OCM: variants seen among roughly 807,000 people sequenced by gnomAD.
OCM encodes oncomodulin-1.
In OCM, 18 loss-of-function variants were observed where a neutral mutation model predicts 14.1. The observed-to-expected ratio is 1.28, with a 90% confidence interval of 0.88 to 1.89. The LOEUF is 1.89. OCM is among the 40% of genes most tolerant of loss of function. OCM has a pLI of 0.00. For synonymous variants in OCM, 48 were observed against 51.0 expected (o/e 0.94, Z 0.25); for missense variants, 140 against 137.6 (o/e 1.02, Z -0.09).
the OCM span, among the ~76,000 whole-genome samples, chr7:5,862,718 G>A: frequency 0.037 from 5,608 of 150,958 alleles, 130 homozygotes; most frequent in Non-Finnish European, 0.053. Flanking sequence ...ACTGGGCTTA[G>A]GATGAATGCA....
chr7:5,863,866 G>C, the OCM span, among the ~76,000 whole-genome samples: 7 of 152,076 alleles, frequency 4.6e-5, no homozygotes, highest in Admixed American at 2.0e-4. Flanking sequence ...CAGGAAGGCA[G>C]AGTGAGTGGA....
At chr7:5,870,250 A>T in the OCM span, among the ~76,000 whole-genome samples, 1 of 152,000 alleles carries the variant, frequency 6.6e-6, no homozygotes, top group Non-Finnish European at 1.5e-5. Context: ...AGCTGGGACC[A>T]CAGGCTCGTA....
upstream of OCM, among the ~76,000 whole-genome samples, chr7:5,877,805 GCA>G (rs1781124616): frequency 9.9e-6 from 1 of 101,476 alleles, no homozygotes; most frequent in Admixed American, 1.4e-4. Context: ...GGGTGACAGA[GCA>G]AGACTCCATC....
chr7:5,865,155 G>T, the OCM span, among the ~76,000 whole-genome samples: 1 of 151,986 alleles, frequency 6.6e-6, no homozygotes, highest in African/African-American at 2.4e-5. Flanking sequence ...ACTGCTTCAG[G>T]TGTTTCCTGG....
At chr7:5,860,567 G>A in the OCM span, among the ~76,000 whole-genome samples, 1 of 60,616 alleles carries the variant, frequency 1.6e-5, no homozygotes, top group East Asian at 8.2e-4. Flanking sequence ...ATATATACGT[G>A]TGTATATATA....
chr7:5,875,286 A>G (rs889994777), upstream of OCM, among the ~76,000 whole-genome samples: 1 of 151,744 alleles, frequency 6.6e-6, no homozygotes, highest in African/African-American at 2.4e-5. Flanking sequence ...CGAACTCCGG[A>G]CCTCAGGTGA....
upstream of OCM, among the ~76,000 whole-genome samples, chr7:5,880,193 T>C (rs1387088290): frequency 1.3e-5 from 2 of 152,202 alleles, no homozygotes; most frequent in South Asian, 4.1e-4. Flanking sequence ...CACGTGGAAT[T>C]TGCAACATTG....
the OCM span, among the ~76,000 whole-genome samples, chr7:5,867,801 G>A: frequency 6.6e-6 from 1 of 152,090 alleles, no homozygotes; most frequent in African/African-American, 2.4e-5. Context: ...TTGCTATGTT[G>A]CCCAGGCTGG....
upstream of OCM, among the ~76,000 whole-genome samples, chr7:5,877,120 C>G (rs1480545817): frequency 5.3e-5 from 8 of 151,984 alleles, no homozygotes; most frequent in Non-Finnish European, 5.9e-5. Context: ...CTGTCTACTT[C>G]TAAGCCACTG....
At chr7:5,878,875 TA>T (rs57901741), upstream of OCM, among the ~76,000 whole-genome samples, 22,888 of 101,730 alleles carry the variant, frequency 0.22, 2,030 homozygotes, top group East Asian at 0.29. Context: ...TGCTGAAAGT[TA>T]AAAAAAAAAA....
rs202210298 is a variant in OCM, at chr7:5,882,541, C to T, written c.110C>T (p.Ser37Phe). The T allele has an allele frequency of 1.2e-6, 2 of 1,614,144 alleles. No individual in the cohort carries two copies. Among genetic ancestry groups the T allele is most frequent in the African/African-American group, 1.3e-5 (1 of 75,018 alleles). Residue 37 changes from serine to phenylalanine, a missense_variant, in exon 2 of 4, where the codon TCC (serine) becomes TTC (phenylalanine). Physicochemically the swap from Ser to Phe is radical, Grantham distance 155. Transcript: ENST00000242104. ...PQKFFQTSGL[S>F]KMSANQVKDV... ...AAATTCTTCCAGACATCAGGCCTCTCCAAGATGTCAGCCAATCAGGTGAAG... is the reference window on the plus strand; with the variant it reads ...AAATTCTTCCAGACATCAGGCCTCTTCAAGATGTCAGCCAATCAGGTGAAG...
chr7:5,877,547 G>A (rs1316032074), upstream of OCM, among the ~76,000 whole-genome samples: 2 of 151,094 alleles, frequency 1.3e-5, no homozygotes, highest in African/African-American at 4.9e-5. Context: ...GGCCAGGCCC[G>A]GCTGCTCACA....
chr7:5,862,607 C>T, the OCM span, among the ~76,000 whole-genome samples: 50 of 152,078 alleles, frequency 3.3e-4, no homozygotes, highest in Non-Finnish European at 6.9e-4. Context: ...TTCATGTTTA[C>T]TTTATGTTAT....
At chr7:5,883,804 T>C in intron 2 of OCM, 86 bp from the exon 3 acceptor site, 1 of 1,509,126 alleles carries the variant, frequency 6.6e-7, no homozygotes, top group Non-Finnish European at 9.1e-7. Flanking sequence ...TGGAAACAGG[T>C]GATATGCTTA....
chr7:5,881,098 C>T lies in OCM; in HGVS notation c.61+148C>T, dbSNP rs951087198. 4.2e-6 allele frequency: 3 copies of T among 721,004 alleles called. No homozygotes were observed. In the East Asian group the frequency reaches 8.2e-5, roughly 20 times the overall value. 44.7% of individuals were successfully genotyped at this position (721,004 alleles called of 1,614,324 possible). A position where few individuals can be genotyped will look rare whatever the true frequency, so the allele number is the denominator to read the frequency against. The stretch of plus-strand genomic sequence containing the variant: ...CTTTGGGAGGCCGAGGCGGGTGGAT[C>T]ACGAGGTCAGGAGTTCGAGACCAGC... On this transcript the variant is annotated intron_variant, in intron 1 of 3. Coordinates refer to ENST00000242104, the MANE Select transcript of OCM (RefSeq NM_001097622.2).
Position 5,885,008 on chromosome 7 carries a change from T to G in OCM, c.304+1009T>G, listed in dbSNP as rs187383230. Among the ~76,000 whole-genome samples the G allele has an allele frequency of 2.4e-3, 368 of 151,920 alleles. 5 individuals carry two copies. Among genetic ancestry groups the G allele is most frequent in the African/African-American group, 8.5e-3 (351 of 41,436 alleles). On this transcript the variant is annotated intron_variant, in intron 3 of 3. Coordinates refer to ENST00000242104, the MANE Select transcript of OCM (RefSeq NM_001097622.2). ...GGTGGTGGGCACCTGTAATCCCAAC[T>G]ACTCGGGAAGCTGAGGCAGGAGAAT...
chr7:5,883,824 C>T (rs1781275292), intron 2 of OCM, 66 bp from the exon 3 acceptor site: 16 of 1,595,674 alleles, frequency 1.0e-5, no homozygotes, highest in South Asian at 4.5e-5. Flanking sequence ...AGAGGAAAAA[C>T]AAAAGTGTAA....
At chr7:5,885,856 G>A (rs1178665531) in intron 3 of OCM, among the ~76,000 whole-genome samples, 4 of 152,046 alleles carry the variant, frequency 2.6e-5, no homozygotes, top group South Asian at 2.1e-4. Context: ...TGATCCACCC[G>A]CCTCGGCCTC....
chr7:5,864,541 CT>C, the OCM span, among the ~76,000 whole-genome samples: 4 of 152,036 alleles, frequency 2.6e-5, no homozygotes, highest in African/African-American at 9.7e-5. Flanking sequence ...AAAAGCTCAA[CT>C]TTTTTAAGAT....
Sources: allele counts gnomAD v4.1 joint callset (sites outside exome capture counted in the v4.1 genomes callset), GRCh38; gene constraint gnomAD v4.1.1; transcripts MANE v1.5; gene names NCBI Gene and HGNC (gene_info 2026-07-23, HGNC 2026-07-21).